Variants in RNF181 observed in about 807,000 individuals in gnomAD.
RNF181 encodes the protein E3 ubiquitin-protein ligase RNF181.
A neutral mutation model predicts 23.3 loss-of-function variants in RNF181; 25 were observed. That is an observed-to-expected ratio of 1.07 (90% CI 0.78 to 1.50). The LOEUF is 1.50. Among genes scored for constraint, RNF181 ranks in the 40% most tolerant of loss-of-function variants. RNF181 has a pLI of 0.00. For missense variants in RNF181, 167 were observed against 191.1 expected, an observed-to-expected ratio of 0.87 and a Z score of 0.74; for synonymous variants, 62 against 70.9, an observed-to-expected ratio of 0.87 and a Z score of 0.63.
chr2:85,596,722 T>G, intron 2 of RNF181, 73 bp downstream of exon 2: 1 of 1,611,870 alleles, frequency 6.2e-7, no homozygotes, highest in Non-Finnish European at 8.5e-7. Flanking sequence ...GGTCTGGTCC[T>G]TCAGTTTTCC....
intron 3 of RNF181, 66 bp downstream of exon 3, chr2:85,596,997 A>G: frequency 1.2e-6 from 2 of 1,614,008 alleles, no homozygotes; most frequent in Admixed American, 1.7e-5. Context: ...CTTTCTGTTC[A>G]TGGACTGCTG....
rs891829167 is a variant in RNF181 at position 85,597,554 on chromosome 2, A to G, written c.*50A>G. On this transcript the variant is annotated 3_prime_UTR_variant, in exon 5 of 5. Coordinates refer to ENST00000306368, the MANE Select transcript of RNF181 (RefSeq NM_016494.4). ...CTCTGCGTCTTCCTTATTAACCTTGAATCCTCATTAAAGGTTTCTTTACCC... is the reference window on the plus strand; with the variant it reads ...CTCTGCGTCTTCCTTATTAACCTTGGATCCTCATTAAAGGTTTCTTTACCC... 2 of 1,610,158 alleles carry G rather than the reference A, an allele frequency of 1.2e-6. No homozygotes were observed. Among genetic ancestry groups the G allele is most frequent in the Admixed American group, 3.4e-5 (2 of 58,994 alleles).
In RNF181 at chr2:85,596,424, T is replaced by C. The variant is rs1002619365; in HGVS notation, c.87-95T>C. The stretch of plus-strand genomic sequence containing the variant: ...TACTAAGGGTAGCTATTATTCCTAC[T>C]AGCTGGGCAGCGTGTTTATTAATGT... On this transcript the variant is annotated intron_variant, in intron 1 of 4. Coordinates refer to ENST00000306368, the MANE Select transcript of RNF181 (RefSeq NM_016494.4). 1.1e-5 allele frequency: 14 copies of C among 1,307,392 alleles called. No homozygotes were observed. In the African/African-American group the frequency reaches 2.1e-4, roughly 20 times the overall value. The allele number at this position is 1,307,392 out of a possible 1,614,324, so 81.0% of individuals were successfully genotyped here. A position where few individuals can be genotyped will look rare whatever the true frequency, so the allele number is the denominator to read the frequency against.
At chr2:85,596,775 G>A (rs1207085610) in intron 2 of RNF181, 47 bp from the exon 3 acceptor site, 6 of 1,609,698 alleles carry the variant, frequency 3.7e-6, no homozygotes, top group Non-Finnish European at 5.1e-6. Flanking sequence ...GGGAGCTTGG[G>A]AGGCAGAGCC....
rs1127974 is a variant in RNF181 at position 85,596,916 on chromosome 2, G to A, written c.312G>A (p.Leu104=). The A allele has an allele frequency of 0.14, 220,831 of 1,613,992 alleles. 16,889 individuals are homozygous for A. The highest frequency in any genetic ancestry group is 0.16 in the Non-Finnish European group (187,620 of 1,179,910). ...ACCTTTTCCATTCCAGCTGCATTCT[G>A]CCCTGGCTAAGCAAGGTACTGCTTC... ...CHHLFHSSCI[L]PWLSKTNSCP... Residue 104 remains leucine, a synonymous_variant, in exon 3 of 5, where the codon CTG becomes CTA. Coordinates refer to ENST00000306368, the MANE Select transcript of RNF181 (RefSeq NM_016494.4).
rs201303606 is a variant in RNF181, at chr2:85,597,520, G to C, written c.*16G>C. The C allele has an allele frequency of 2.5e-6, 4 of 1,613,642 alleles. No homozygotes were observed. In the African/African-American group the frequency reaches 5.3e-5, roughly 22 times the overall value. ...GTACACGTGAGGAGGTTGGGGCTGA[G>C]TGCTGGCCCTCTGCGTCTTCCTTAT... On this transcript the variant is annotated 3_prime_UTR_variant, in exon 5 of 5. Coordinates refer to ENST00000306368, the MANE Select transcript of RNF181 (RefSeq NM_016494.4).
In RNF181 at chr2:85,595,845, G is replaced by T. The variant is rs538348064; in HGVS notation, c.82G>T (p.Ala28Ser). ...ETRTNMLLEL[A>S]RSLFNRMDFE... is the part of the protein sequence containing the mutation. Reference sequence around the variant, plus strand: ...GCGAACCAACATGCTGCTGGAGCTCGCAAGGTGGGTGCGCGGGGCTTGGGG... The same window carrying T: ...GCGAACCAACATGCTGCTGGAGCTCTCAAGGTGGGTGCGCGGGGCTTGGGG... The change falls in exon 1 of 5, where the codon GCA becomes TCA. Residue 28 changes from alanine to serine, a missense_variant. Transcript: ENST00000306368. The T allele has an allele frequency of 9.3e-6, 15 of 1,613,696 alleles. No individual in the cohort carries two copies. The East Asian group carries it at 2.9e-4, about 31-fold the overall frequency.
At chr2:85,597,368 C>T in intron 4 of RNF181, 77 bp from the exon 5 acceptor site, 3 of 1,517,382 alleles carry the variant, frequency 2.0e-6, no homozygotes, top group South Asian at 2.6e-5. Context: ...ACAGAGCCAG[C>T]CCCATAATAG....
intron 4 of RNF181, 90 bp downstream of exon 4, chr2:85,597,268 T>A: frequency 7.2e-7 from 1 of 1,392,404 alleles, no homozygotes; most frequent in South Asian, 1.3e-5. Flanking sequence ...CAGGACTGGG[T>A]AGGCCTCAGA....
intron 2 of RNF181, 64 bp downstream of exon 2, chr2:85,596,713 G>A: frequency 6.2e-7 from 1 of 1,613,582 alleles, no homozygotes; most frequent in South Asian, 1.1e-5. Flanking sequence ...CCAGACTGTG[G>A]TCTGGTCCTT....
Position 85,597,480 on chromosome 2 carries a change from C to A in RNF181, c.438C>A (p.Asn146Lys), listed in dbSNP as rs1453849093. 6.2e-7 allele frequency: 1 copy of A among 1,612,876 alleles called. No homozygotes were observed. Among genetic ancestry groups the A allele is most frequent in the Non-Finnish European group, 8.5e-7 (1 of 1,179,648 alleles). ...RKQQQQHRLE[N>K]LHGAMYT ...AGCAGCAGCAACACCGACTGGAGAA[C>A]CTCCATGGAGCCATGTACACGTGAG... The change falls in exon 5 of 5, where the codon AAC becomes AAA. Residue 146 changes from asparagine to lysine, a missense_variant. Asn to Lys is a moderately conservative substitution (Grantham distance 94, BLOSUM62 0). Transcript: ENST00000306368.
chr2:85,597,604 AC>A lies in RNF181; in HGVS notation c.*102del. On this transcript the variant is annotated 3_prime_UTR_variant, in exon 5 of 5. Transcript: ENST00000306368. ...CACCCTGAGGCTGTATTGATCACAG[AC>A]CTGGCCAGGGGCTCTGCATCCTCCA... 1 of 1,543,332 alleles carries A rather than the reference AC, an allele frequency of 6.5e-7. No individual in the cohort carries two copies.
At position 85,595,868 on chromosome 2, in the gene RNF181, G is replaced by A. The variant is rs1342688117; in HGVS notation, c.86+19G>A. 6.2e-7 allele frequency: 1 copy of A among 1,610,578 alleles called. No homozygotes were observed. Among genetic ancestry groups the A allele is most frequent in the South Asian group, 1.1e-5 (1 of 90,714 alleles). On this transcript the variant is annotated intron_variant, in intron 1 of 4. Coordinates refer to ENST00000306368, the MANE Select transcript of RNF181 (RefSeq NM_016494.4). ...TCGCAAGGTGGGTGCGCGGGGCTTG[G>A]GGATAGGGTCCAACCAGCAGGTTTC...
In RNF181 at chr2:85,597,670, G is replaced by A. The variant is rs1441324370; in HGVS notation, c.*166G>A. 14 of 1,340,184 alleles carry A rather than the reference G, an allele frequency of 1.0e-5. No homozygotes were observed. Among genetic ancestry groups the A allele is most frequent in the East Asian group, 1.0e-4 (4 of 38,298 alleles). The allele number at this position is 1,340,184 out of a possible 1,614,324, so 83.0% of individuals were successfully genotyped here. A position where few individuals can be genotyped will look rare whatever the true frequency, so the allele number is the denominator to read the frequency against. Reference sequence around the variant, plus strand: ...CTGTTGGGGAAGGTGATCCTAAATCGCAGAAGGCACCAGGCTGCGGTTTTC... The same window carrying A: ...CTGTTGGGGAAGGTGATCCTAAATCACAGAAGGCACCAGGCTGCGGTTTTC... On this transcript the variant is annotated 3_prime_UTR_variant, in exon 5 of 5. Coordinates refer to ENST00000306368, the MANE Select transcript of RNF181 (RefSeq NM_016494.4).
Position 85,596,575 on chromosome 2 carries a change from A to G in RNF181, c.143A>G (p.His48Arg), listed in dbSNP as rs767938511. The G allele has an allele frequency of 2.5e-6, 4 of 1,613,894 alleles. No individual in the cohort carries two copies. Among genetic ancestry groups the G allele is most frequent in the Non-Finnish European group, 3.4e-6 (4 of 1,179,948 alleles). The change falls in exon 2 of 5, where the codon CAC (histidine) becomes CGC (arginine). Residue 48 changes from histidine to arginine, a missense_variant. His to Arg is a conservative substitution (Grantham distance 29). Transcript: ENST00000306368. Reference protein sequence around the residue: ...EDLGLVVDWDHHLPPPAAKTV... With the variant: ...EDLGLVVDWDRHLPPPAAKTV... ...TTGGGGTTGGTAGTAGATTGGGACCACCACCTGCCTCCACCAGCTGCCAAG... is the reference window on the plus strand; with the variant it reads ...TTGGGGTTGGTAGTAGATTGGGACCGCCACCTGCCTCCACCAGCTGCCAAG...
Position 85,595,763 on chromosome 2 carries a change from C to T in RNF181, c.-1C>T, listed in dbSNP as rs1239700593. 1.2e-6 allele frequency: 2 copies of T among 1,613,644 alleles called. No homozygotes were observed. The highest frequency in any genetic ancestry group is 8.5e-7 in the Non-Finnish European group (1 of 1,179,834). ...GGGCTGTGTCAGAAGGCTGGGCAGC[C>T]ATGGCGTCCTATTTCGATGAACACG... On this transcript the variant is annotated 5_prime_UTR_variant, in exon 1 of 5. Transcript: ENST00000306368.
Position 85,597,511 on chromosome 2 carries a change from T to C in RNF181, c.*7T>C, listed in dbSNP as rs1361185105. 1.2e-6 allele frequency: 2 copies of C among 1,613,470 alleles called. No individual in the cohort carries two copies. The highest frequency in any genetic ancestry group is 1.7e-6 in the Non-Finnish European group (2 of 1,179,858). ...TGGAGCCATGTACACGTGAGGAGGT[T>C]GGGGCTGAGTGCTGGCCCTCTGCGT... On this transcript the variant is annotated 3_prime_UTR_variant, in exon 5 of 5. Coordinates refer to ENST00000306368, the MANE Select transcript of RNF181 (RefSeq NM_016494.4).
In RNF181 at chr2:85,596,623, G is replaced by A; in HGVS notation, c.191G>A (p.Arg64Lys). ...AAKTVVENLP[R>K]TVIRGSQAEL... is the part of the protein sequence containing the mutation. ...AAGACTGTGGTTGAGAACCTCCCCA[G>A]GACAGTCATCAGAGGCTCTCAGGCT... The change falls in exon 2 of 5, where the codon AGG becomes AAG. Residue 64 changes from arginine to lysine, a missense_variant. Physicochemically the swap from Arg to Lys is conservative, Grantham distance 26 (BLOSUM62 2). Coordinates refer to ENST00000306368, the MANE Select transcript of RNF181 (RefSeq NM_016494.4). 1.9e-6 allele frequency: 3 copies of A among 1,614,062 alleles called. No homozygotes were observed. Among genetic ancestry groups the A allele is most frequent in the Non-Finnish European group, 2.5e-6 (3 of 1,179,950 alleles).
intron 1 of RNF181, 149 bp from the exon 2 acceptor site, chr2:85,596,370 T>C (rs1211006333): frequency 6.5e-6 from 5 of 769,642 alleles, no homozygotes; most frequent in Non-Finnish European, 8.1e-6. Flanking sequence ...TTTCCCATCG[T>C]GCTTTTTATC....
Sources: allele counts gnomAD v4.1 joint callset, GRCh38; gene constraint gnomAD v4.1.1; transcripts MANE v1.5; gene names NCBI Gene and HGNC (gene_info 2026-07-23, HGNC 2026-07-21).